The following NCKAP5 variants were observed in gnomAD, a reference collection of about 807,000 sequenced individuals.
NCKAP5 encodes the protein nck-associated protein 5.
Under a neutral mutation model 167.0 loss-of-function variants are expected in NCKAP5, and 92 were observed. That is an observed-to-expected ratio of 0.55 (90% CI 0.47 to 0.66). The LOEUF is 0.66. Ranked by LOEUF, NCKAP5 falls within the 30% of genes least tolerant of loss-of-function variation. The pLI is 0.00. For synonymous variants in NCKAP5, 891 were observed against 877.4 expected, an observed-to-expected ratio of 1.02 and a Z score of -0.27; for missense variants, 2,378 against 2,315.0, an observed-to-expected ratio of 1.03 and a Z score of -0.56.
chr2:133,146,393 T>C (rs777180265), intron 5 of NCKAP5, among the ~76,000 whole-genome samples: 2 of 152,072 alleles, frequency 1.3e-5, no homozygotes, highest in Non-Finnish European at 2.9e-5. Context: ...TTGTGTTTCA[T>C]GCGACTACCA....
intron 19 of NCKAP5, among the ~76,000 whole-genome samples, chr2:132,709,586 A>C (rs1301883450): frequency 6.6e-6 from 1 of 152,142 alleles, no homozygotes; most frequent in African/African-American, 2.4e-5. Flanking sequence ...AACTTAGACA[A>C]AAGGGATATA....
intron 3 of NCKAP5, among the ~76,000 whole-genome samples, chr2:133,514,860 C>T (rs765585761): frequency 2.6e-5 from 4 of 152,052 alleles, no homozygotes; most frequent in Admixed American, 2.0e-4. Flanking sequence ...GATAACCTCT[C>T]TGGGCCTTAA....
intron 4 of NCKAP5, among the ~76,000 whole-genome samples, chr2:133,257,156 T>C (rs1208260895): frequency 2.6e-5 from 4 of 152,144 alleles, no homozygotes; most frequent in Non-Finnish European, 5.9e-5. Context: ...TAATTTAATA[T>C]TAAGATACCA....
At chr2:133,449,704 T>C (rs904767372) in intron 3 of NCKAP5, among the ~76,000 whole-genome samples, 9 of 152,222 alleles carry the variant, frequency 5.9e-5, no homozygotes, top group Admixed American at 2.0e-4. Flanking sequence ...GTTGCGATCA[T>C]AGATTGTATC....
chr2:133,383,887 C>G (rs901194679), intron 3 of NCKAP5, among the ~76,000 whole-genome samples: 2 of 152,088 alleles, frequency 1.3e-5, no homozygotes, highest in Non-Finnish European at 2.9e-5. Context: ...CTGTTCATAT[C>G]CTTCGCCCAC....
chr2:133,544,826 G>A (rs887798917), intron 2 of NCKAP5, among the ~76,000 whole-genome samples: 2 of 152,116 alleles, frequency 1.3e-5, no homozygotes, highest in African/African-American at 4.8e-5. Context: ...GTTCAGAAAG[G>A]CAGAGAATGA....
the NCKAP5 span, among the ~76,000 whole-genome samples, chr2:133,579,841 T>G: frequency 6.6e-6 from 1 of 152,166 alleles, no homozygotes; most frequent in Non-Finnish European, 1.5e-5. Flanking sequence ...ACCCCCCATT[T>G]TAATGTCCCT....
At chr2:132,701,447 C>T (rs181019726) in intron 19 of NCKAP5, among the ~76,000 whole-genome samples, 2 of 152,312 alleles carry the variant, frequency 1.3e-5, no homozygotes, top group East Asian at 3.9e-4. Flanking sequence ...GAGAAGATGT[C>T]TCTTAGCCAG....
chr2:133,144,867 G>C (rs1363795843), intron 5 of NCKAP5, among the ~76,000 whole-genome samples: 1 of 152,090 alleles, frequency 6.6e-6, no homozygotes, highest in Non-Finnish European at 1.5e-5. Flanking sequence ...CCGTGTTAGT[G>C]TTGTTAGAGA....
chr2:133,433,295 G>C (rs1330748112), intron 3 of NCKAP5, among the ~76,000 whole-genome samples: 1 of 152,158 alleles, frequency 6.6e-6, no homozygotes, highest in South Asian at 2.1e-4. Context: ...GTGTGAATGG[G>C]AAACCTTTCA....
chr2:132,758,668 C>G (rs1289786454), intron 16 of NCKAP5, among the ~76,000 whole-genome samples: 1 of 152,102 alleles, frequency 6.6e-6, no homozygotes, highest in Non-Finnish European at 1.5e-5. Context: ...CTTTCCCTCT[C>G]TCTCTCCTCT....
chr2:133,279,218 C>T (rs997855074), intron 4 of NCKAP5, among the ~76,000 whole-genome samples: 4 of 152,124 alleles, frequency 2.6e-5, no homozygotes, highest in African/African-American at 4.8e-5. Context: ...TGTTTATTGC[C>T]GCACTATCAC....
At chr2:133,297,973 T>C (rs1242676460) in intron 4 of NCKAP5, among the ~76,000 whole-genome samples, 1 of 152,224 alleles carries the variant, frequency 6.6e-6, no homozygotes, top group Non-Finnish European at 1.5e-5. Context: ...CATGACATGC[T>C]ATTCCCATGA....
intron 6 of NCKAP5, among the ~76,000 whole-genome samples, chr2:133,044,297 T>G (rs2149464475): frequency 6.6e-6 from 1 of 152,050 alleles, no homozygotes; most frequent in African/African-American, 2.4e-5. Context: ...AATAAAAACA[T>G]CAAAAATGCA....
At chr2:133,265,692 C>T (rs1411142612) in intron 4 of NCKAP5, among the ~76,000 whole-genome samples, 3 of 151,810 alleles carry the variant, frequency 2.0e-5, no homozygotes, top group Non-Finnish European at 4.4e-5. Context: ...CTCCCCTACA[C>T]GCGCAAGGGA....
intron 3 of NCKAP5, chr2:133,381,467 T>C (rs1024509080): frequency 2.6e-5 from 4 of 152,222 alleles, no homozygotes; most frequent in African/African-American, 9.6e-5. Context: ...AGATTCAAAA[T>C]AGCCAAGAAC....
At chr2:132,748,382 C>T (rs1037071082) in intron 16 of NCKAP5, among the ~76,000 whole-genome samples, 2 of 152,234 alleles carry the variant, frequency 1.3e-5, no homozygotes, top group African/African-American at 2.4e-5. Flanking sequence ...GGAAGATTGC[C>T]ATGACCGCCT....
At chr2:133,025,631 T>G (rs2149404757) in intron 6 of NCKAP5, among the ~76,000 whole-genome samples, 1 of 152,280 alleles carries the variant, frequency 6.6e-6, no homozygotes, top group East Asian at 1.9e-4. Context: ...GGAGCAGACC[T>G]AGAGAAAGAC....
At chr2:133,654,365 G>A in the NCKAP5 span, among the ~76,000 whole-genome samples, 27 of 141,938 alleles carry the variant, frequency 1.9e-4, 1 homozygote, top group Admixed American at 3.0e-4. Context: ...TTGACAAAGC[G>A]AGACTCTATC....
Sources: allele counts gnomAD v4.1 joint callset (sites outside exome capture counted in the v4.1 genomes callset), GRCh38; gene constraint gnomAD v4.1.1; transcripts MANE v1.5; gene names NCBI Gene and HGNC (gene_info 2026-07-23, HGNC 2026-07-21).